The following GTF2F2 variants were observed in gnomAD, a reference collection of about 807,000 sequenced individuals.
GTF2F2 encodes the protein ATP-dependent helicase GTF2F2.
Under a neutral mutation model 42.2 loss-of-function variants are expected in GTF2F2, and 23 were observed. That is an observed-to-expected ratio of 0.55 (90% confidence interval 0.39 to 0.77). The LOEUF (loss-of-function observed/expected upper bound fraction) is 0.77. GTF2F2 is among the 30% of genes least tolerant of loss of function. The pLI is 0.00. For synonymous variants in GTF2F2, 105 were observed against 100.8 expected, an observed-to-expected ratio of 1.04 and a Z score of -0.25; for missense variants, 261 against 287.2, an observed-to-expected ratio of 0.91 and a Z score of 0.66.
chr13:45,201,907 A>C (rs556970812), intron 4 of GTF2F2, among the ~76,000 whole-genome samples: 102 of 152,284 alleles, frequency 6.7e-4, no homozygotes, highest in African/African-American at 2.3e-3. Flanking sequence ...TGCTGGCAAG[A>C]CCATGTCCTT....
intron 5 of GTF2F2, among the ~76,000 whole-genome samples, chr13:45,237,825 T>C (rs1875068405): frequency 2.0e-5 from 3 of 152,348 alleles, no homozygotes; most frequent in African/African-American, 4.8e-5. Flanking sequence ...TCATTTTTGC[T>C]CTCTTTAATA....
chr13:45,189,054 C>T (rs1421528032), intron 4 of GTF2F2, among the ~76,000 whole-genome samples: 5 of 152,038 alleles, frequency 3.3e-5, no homozygotes, highest in Admixed American at 6.6e-5. Context: ...CCCTCCCCGG[C>T]TCCCCACCCC....
chr13:45,191,255 A>ATATGGC (rs1260872563), intron 4 of GTF2F2, among the ~76,000 whole-genome samples: 4 of 136,530 alleles, frequency 2.9e-5, no homozygotes, highest in African/African-American at 1.2e-4. Flanking sequence ...ATATATATAT[A>ATATGGC]GCCATAATCT....
rs1418932546 is a variant in GTF2F2, at chr13:45,238,787, A to G, written c.387-14084A>G. Among the ~76,000 whole-genome samples the G allele has an allele frequency of 2.0e-5, 3 of 152,080 alleles. No individual in the cohort carries two copies. In the East Asian group the frequency reaches 5.8e-4, roughly 29 times the overall value. ...TGGAGAAACCTCGTCTCTACTAAAA[A>G]TACAAAATTAGCCGGGTGTGGTGGC... On this transcript the variant is annotated intron_variant, in intron 5 of 7. Transcript: ENST00000340473.
chr13:45,194,558 T>G, intron 4 of GTF2F2: 1 of 1,607,834 alleles, frequency 6.2e-7, no homozygotes, highest in South Asian at 1.1e-5. Flanking sequence ...CTGTTTATTT[T>G]ACGCTCCATT....
At chr13:45,170,250 AC>A (rs199905222) in intron 4 of GTF2F2, among the ~76,000 whole-genome samples, 1 of 151,368 alleles carries the variant, frequency 6.6e-6, no homozygotes, top group Non-Finnish European at 1.5e-5. Flanking sequence ...CTGGTCTCAG[AC>A]CCCCCCTGCC....
intron 4 of GTF2F2, among the ~76,000 whole-genome samples, chr13:45,168,675 C>T (rs1213899133): frequency 1.3e-5 from 2 of 151,946 alleles, no homozygotes; most frequent in Admixed American, 6.6e-5. Context: ...TGCAGTGCCC[C>T]GATCTCGGTT....
At chr13:45,140,250 C>T (rs546188001) in intron 2 of GTF2F2, among the ~76,000 whole-genome samples, 5 of 152,132 alleles carry the variant, frequency 3.3e-5, no homozygotes, top group Non-Finnish European at 5.9e-5. Context: ...CCATGCCCAG[C>T]CGATGTTTAA....
intron 4 of GTF2F2, among the ~76,000 whole-genome samples, chr13:45,153,834 A>G (rs1212818727): frequency 1.3e-5 from 2 of 151,810 alleles, no homozygotes; most frequent in Non-Finnish European, 2.9e-5. Context: ...AAAATTGGCC[A>G]GGCGTGGTGG....
intron 1 of GTF2F2, among the ~76,000 whole-genome samples, chr13:45,135,387 G>A (rs774668242): frequency 1.4e-4 from 21 of 152,082 alleles, no homozygotes; most frequent in Non-Finnish European, 2.8e-4. Flanking sequence ...AGCCTCCTGA[G>A]TAGCTGGGAT....
intron 4 of GTF2F2, among the ~76,000 whole-genome samples, chr13:45,173,089 A>G (rs1871675554): frequency 1.3e-5 from 2 of 152,224 alleles, no homozygotes; most frequent in South Asian, 4.1e-4. Flanking sequence ...GGTGGACAGC[A>G]TTACAAAATA....
chr13:45,268,027 G>A lies in GTF2F2; in HGVS notation c.630+651G>A, dbSNP rs549663481. Among the ~76,000 whole-genome samples, 4 of 152,068 alleles carry A rather than the reference G, an allele frequency of 2.6e-5. No individual in the cohort carries two copies. In the East Asian group the frequency reaches 7.7e-4, roughly 29 times the overall value. On this transcript the variant is annotated intron_variant, in intron 7 of 7. Transcript: ENST00000340473. Reference sequence around the variant, plus strand: ...GCTTTTGTGCATTTACTAGTAATTTGCATTAATAATCCATTTAAAATGATG... The same window carrying A: ...GCTTTTGTGCATTTACTAGTAATTTACATTAATAATCCATTTAAAATGATG...
In GTF2F2 at chr13:45,145,058, T is replaced by G. The variant is rs530350180; in HGVS notation, c.141-4712T>G. ...TCGATGATGCCATTATCTAGAGAGA[T>G]AGACAAATGAGCTCATCCAGTAGAG... is the stretch of plus-strand genomic sequence containing the variant. On this transcript the variant is annotated intron_variant, in intron 2 of 7. Coordinates refer to ENST00000340473, the MANE Select transcript of GTF2F2 (RefSeq NM_004128.3). Among the ~76,000 whole-genome samples, 29 of 152,268 alleles carry G rather than the reference T, an allele frequency of 1.9e-4. No individual in the cohort carries two copies. In the East Asian group the frequency reaches 3.5e-3, roughly 18 times the overall value.
intron 6 of GTF2F2, among the ~76,000 whole-genome samples, chr13:45,259,647 C>CTTTTT (rs1172870085): frequency 1.4e-5 from 1 of 72,224 alleles, no homozygotes; most frequent in Non-Finnish European, 2.4e-5. Flanking sequence ...AAACCTAGAA[C>CTTTTT]TTTTTTTTTT....
At chr13:45,139,482 T>G (rs7338611) in intron 2 of GTF2F2, among the ~76,000 whole-genome samples, 38,891 of 152,084 alleles carry the variant, frequency 0.26, 5,729 homozygotes, top group African/African-American at 0.39. Flanking sequence ...TTTCTCTCTG[T>G]AACACTCTTC....
Position 45,274,604 on chromosome 13 carries a change from C to T in GTF2F2, c.630+7228C>T, listed in dbSNP as rs186035453. On this transcript the variant is annotated intron_variant, in intron 7 of 7. Coordinates refer to ENST00000340473, the MANE Select transcript of GTF2F2 (RefSeq NM_004128.3). ...TTGACCACCTAAAGTGTTGGGATTA[C>T]AGGCATGAGCCACCACGCCCGACCA... Among the ~76,000 whole-genome samples the T allele has an allele frequency of 2.6e-5, 4 of 152,210 alleles. No homozygotes were observed. In the East Asian group the frequency reaches 7.7e-4, roughly 29 times the overall value.
intron 2 of GTF2F2, among the ~76,000 whole-genome samples, chr13:45,141,873 A>G (rs753590181): frequency 1.3e-5 from 2 of 152,314 alleles, no homozygotes; most frequent in South Asian, 2.1e-4. Flanking sequence ...TTTTAAATCC[A>G]CTAACCAGAG....
rs140838133 is a variant in GTF2F2, at chr13:45,178,000, G to A, written c.304+26169G>A. ...ATTATCTTTGATTTTAATGTGATAT[G>A]TCTACATGTGGGTTTCTCTTTAAGC... On this transcript the variant is annotated intron_variant, in intron 4 of 7. Coordinates refer to ENST00000340473, the MANE Select transcript of GTF2F2 (RefSeq NM_004128.3). Among the ~76,000 whole-genome samples, 748 of 152,132 alleles carry A rather than the reference G, an allele frequency of 4.9e-3. 8 individuals carry two copies. The highest frequency in any genetic ancestry group is 0.017 in the African/African-American group (708 of 41,492).
chr13:45,121,754 A>G (rs1215263279), intron 1 of GTF2F2, among the ~76,000 whole-genome samples: 1 of 152,220 alleles, frequency 6.6e-6, no homozygotes, highest in African/African-American at 2.4e-5. Context: ...CAACAAATAG[A>G]TGATGAATAA....
Sources: allele counts gnomAD v4.1 joint callset (sites outside exome capture counted in the v4.1 genomes callset), GRCh38; gene constraint gnomAD v4.1.1; transcripts MANE v1.5; gene names NCBI Gene and HGNC (gene_info 2026-07-23, HGNC 2026-07-21).